TMEM132D: variants seen among roughly 807,000 people sequenced by gnomAD.
TMEM132D encodes the protein mature OL transmembrane protein.
TMEM132D carries 21 observed loss-of-function variants against 62.3 expected under a neutral mutation model. The ratio of observed to expected loss-of-function variants is 0.34; its 90% CI spans 0.24 to 0.49. The LOEUF (loss-of-function observed/expected upper bound fraction) is 0.49, where lower values mean the gene tolerates loss of function less well. TMEM132D is among the 20% of genes least tolerant of loss of function. The pLI is 0.99. For synonymous variants in TMEM132D, 621 were observed against 575.6 expected, an observed-to-expected ratio of 1.08 and a Z score of -1.13; for missense variants, 1,346 against 1,402.8, an observed-to-expected ratio of 0.96 and a Z score of 0.65.
At chr12:129,828,777 AG>A (rs1872740670) in intron 1 of TMEM132D, among the ~76,000 whole-genome samples, 3 of 55,758 alleles carry the variant, frequency 5.4e-5, no homozygotes, top group Non-Finnish European at 1.2e-4. Flanking sequence ...GGAGGGAGGA[AG>A]AAAAGGAGGG....
rs144372852 is a variant in TMEM132D, at chr12:129,154,967, G to T, written c.1443+54553C>A. 1.7e-3 allele frequency among the ~76,000 whole-genome samples: 258 copies of T among 152,292 alleles called. 2 individuals are homozygous for T. Among genetic ancestry groups the T allele is most frequent in the African/African-American group, 5.9e-3 (244 of 41,550 alleles). On this transcript the variant is annotated intron_variant, in intron 5 of 8. Coordinates refer to ENST00000422113, the MANE Select transcript of TMEM132D (RefSeq NM_133448.3). Reference sequence around the variant, plus strand: ...TGTTTACACTTTTCTGGCATTACAGGATCAAGATCAGGAAACATACTGTTG... The same window carrying T: ...TGTTTACACTTTTCTGGCATTACAGTATCAAGATCAGGAAACATACTGTTG...
chr12:129,173,886 T>C (rs1174506347), intron 5 of TMEM132D, among the ~76,000 whole-genome samples: 2 of 152,102 alleles, frequency 1.3e-5, no homozygotes, highest in African/African-American at 2.4e-5. Context: ...GTGATGAAAA[T>C]CTGTAATCCT....
chr12:129,774,812 C>T (rs1360010072), intron 1 of TMEM132D, among the ~76,000 whole-genome samples: 8 of 152,324 alleles, frequency 5.3e-5, no homozygotes, highest in Middle Eastern at 3.4e-3. Context: ...TTAGTCTCTA[C>T]AGTGAGTCTG....
chr12:129,801,898 C>A (rs1294120275), intron 1 of TMEM132D, among the ~76,000 whole-genome samples: 1 of 151,564 alleles, frequency 6.6e-6, no homozygotes, highest in Non-Finnish European at 1.5e-5. Context: ...AATGAAGAAG[C>A]CTCAGGAGCC....
At chr12:129,855,403 C>G (rs867170077) in intron 1 of TMEM132D, among the ~76,000 whole-genome samples, 4 of 22,396 alleles carry the variant, frequency 1.8e-4, no homozygotes, top group African/African-American at 5.1e-4. Flanking sequence ...GGGATGGGTG[C>G]CCTTGTAACG....
intron 3 of TMEM132D, among the ~76,000 whole-genome samples, chr12:129,410,635 G>A (rs2135705598): frequency 6.6e-6 from 1 of 152,288 alleles, no homozygotes; most frequent in Admixed American, 6.5e-5. Flanking sequence ...TGGGATTACA[G>A]GCGTGAGCCA....
intron 2 of TMEM132D, among the ~76,000 whole-genome samples, chr12:129,655,318 C>T (rs1170698519): frequency 6.7e-6 from 1 of 149,366 alleles, no homozygotes; most frequent in Non-Finnish European, 1.5e-5. Flanking sequence ...GCAATCTTGG[C>T]TCACCATAAC....
At chr12:129,447,947 G>A (rs1873156291) in intron 3 of TMEM132D, among the ~76,000 whole-genome samples, 1 of 152,132 alleles carries the variant, frequency 6.6e-6, no homozygotes, top group South Asian at 2.1e-4. Context: ...GTGAGTGCTT[G>A]ACAACAAGAA....
At position 129,472,875 on chromosome 12, in the gene TMEM132D, CT is replaced by C. The variant is rs1182786304; in HGVS notation, c.1115+58183del. On this transcript the variant is annotated intron_variant, in intron 3 of 8. Transcript: ENST00000422113. ...ACTTCACTGTTGTCTTATTTTAAGA[CT>C]TTTTTTTTTTTTGAGACAGAGTTTC... 1.4e-3 allele frequency among the ~76,000 whole-genome samples: 209 copies of C among 150,482 alleles called. 1 individual carries two copies. The highest frequency in any genetic ancestry group is 4.3e-3 in the African/African-American group (178 of 41,214).
At chr12:129,207,980 G>A (rs1878906155) in intron 5 of TMEM132D, among the ~76,000 whole-genome samples, 1 of 152,148 alleles carries the variant, frequency 6.6e-6, no homozygotes, top group Non-Finnish European at 1.5e-5. Context: ...TCACCCAACT[G>A]ATCTATCTAA....
chr12:129,500,680 T>TC (rs1345242041), intron 3 of TMEM132D, among the ~76,000 whole-genome samples: 1 of 152,138 alleles, frequency 6.6e-6, no homozygotes, highest in Non-Finnish European at 1.5e-5. Flanking sequence ...TTTTCCTCCT[T>TC]CCCCCGTCCA....
intron 1 of TMEM132D, among the ~76,000 whole-genome samples, chr12:129,728,265 GAAATA>G (rs1198159832): frequency 1.3e-5 from 2 of 152,208 alleles, no homozygotes; most frequent in Admixed American, 6.5e-5. Context: ...AACCAGGACA[GAAATA>G]AAATAAACTG....
At chr12:129,580,345 C>T (rs568932343) in intron 2 of TMEM132D, among the ~76,000 whole-genome samples, 6 of 152,274 alleles carry the variant, frequency 3.9e-5, no homozygotes, top group East Asian at 1.9e-4. Flanking sequence ...CGCCTGCATT[C>T]GAGTTGAAAT....
intron 5 of TMEM132D, among the ~76,000 whole-genome samples, chr12:129,187,102 T>C (rs1378612241): frequency 6.6e-6 from 1 of 152,224 alleles, no homozygotes; most frequent in Non-Finnish European, 1.5e-5. Flanking sequence ...AGCCTGGGTT[T>C]CCCAGCCTCC....
chr12:129,774,823 T>C (rs1870865253), intron 1 of TMEM132D, among the ~76,000 whole-genome samples: 1 of 152,160 alleles, frequency 6.6e-6, no homozygotes, highest in Non-Finnish European at 1.5e-5. Context: ...AGTGAGTCTG[T>C]TGGGATTCTA....
intron 5 of TMEM132D, among the ~76,000 whole-genome samples, chr12:129,151,504 C>A (rs1165869693): frequency 2.0e-5 from 3 of 152,210 alleles, no homozygotes; most frequent in African/African-American, 7.2e-5. Flanking sequence ...CAGTTCCAAC[C>A]TGCCATCGTC....
chr12:129,267,296 G>A (rs986744336), intron 4 of TMEM132D, among the ~76,000 whole-genome samples: 1 of 152,100 alleles, frequency 6.6e-6, no homozygotes, highest in African/African-American at 2.4e-5. Context: ...CATCGTCTCA[G>A]CCCAAAATCT....
chr12:129,733,413 G>A (rs961533986), intron 1 of TMEM132D, among the ~76,000 whole-genome samples: 1 of 152,132 alleles, frequency 6.6e-6, no homozygotes, highest in Admixed American at 6.5e-5. Flanking sequence ...CCTGATCTAT[G>A]GCCAAAATCA....
At chr12:129,205,390 A>G (rs1448600861) in intron 5 of TMEM132D, among the ~76,000 whole-genome samples, 1 of 146,790 alleles carries the variant, frequency 6.8e-6, no homozygotes, top group Non-Finnish European at 1.5e-5. Context: ...AAAAAAAAAA[A>G]AACTGACTTT....
Sources: gnomAD v4.1 joint callset for allele counts (sites outside exome capture counted in the v4.1 genomes callset) on GRCh38, gnomAD v4.1.1 for gene constraint, MANE v1.5 for transcripts, NCBI Gene and HGNC (gene_info 2026-07-23, HGNC 2026-07-21) for gene names.